PTPRD: variants seen among roughly 807,000 people sequenced by gnomAD.
PTPRD encodes the protein receptor-type tyrosine-protein phosphatase delta.
In PTPRD, 34 loss-of-function variants were observed where a neutral mutation model predicts 214.5. That is an observed-to-expected ratio of 0.16 (90% CI 0.12 to 0.21). The LOEUF (loss-of-function observed/expected upper bound fraction) is 0.21, where lower values mean the gene tolerates loss of function less well. Ranked by LOEUF, PTPRD falls within the 10% of genes least tolerant of loss-of-function variation. The pLI, the probability that PTPRD is intolerant of heterozygous loss-of-function variation, is 1.00. For synonymous variants in PTPRD, 1,128 were observed against 845.7 expected (o/e 1.33, Z -5.79); for missense variants, 2,545 against 2,398.7 (o/e 1.06, Z -1.27).
At chr9:8,739,109 ACAAAAG>A (rs1258245608) in intron 11 of PTPRD, among the ~76,000 whole-genome samples, 1 of 152,232 alleles carries the variant, frequency 6.6e-6, no homozygotes, top group East Asian at 1.9e-4. Flanking sequence ...TGTAAAACAG[ACAAAAG>A]CAGGGCTGCT....
intron 30 of PTPRD, among the ~76,000 whole-genome samples, chr9:8,483,647 G>C (rs1361672709): frequency 6.6e-6 from 1 of 152,110 alleles, no homozygotes; most frequent in African/African-American, 2.4e-5. Flanking sequence ...AGCTACTCAG[G>C]AGGCTGAGGC....
chr9:9,098,743 C>A (rs1044740579), intron 10 of PTPRD, among the ~76,000 whole-genome samples: 4 of 152,140 alleles, frequency 2.6e-5, no homozygotes, highest in African/African-American at 9.7e-5. Context: ...ATGGATACAA[C>A]ATTTTGGGGA....
At chr9:9,250,970 C>T (rs2099975236) in intron 9 of PTPRD, among the ~76,000 whole-genome samples, 1 of 152,052 alleles carries the variant, frequency 6.6e-6, no homozygotes, top group Non-Finnish European at 1.5e-5. Context: ...GATCAGAAAG[C>T]ATGAACCAGC....
chr9:10,610,562 G>A (rs1242492780), intron 2 of PTPRD, among the ~76,000 whole-genome samples: 3 of 151,784 alleles, frequency 2.0e-5, no homozygotes, highest in Non-Finnish European at 4.4e-5. Context: ...GGTCAGAAAT[G>A]AGTAGAGGTT....
At chr9:9,341,390 G>A (rs1353022051) in intron 9 of PTPRD, among the ~76,000 whole-genome samples, 2 of 152,020 alleles carry the variant, frequency 1.3e-5, no homozygotes, top group South Asian at 2.1e-4. Context: ...CCCCCAGGGC[G>A]CAGGTGTCTG....
At chr9:9,098,037 T>A (rs976809619) in intron 10 of PTPRD, among the ~76,000 whole-genome samples, 15 of 151,822 alleles carry the variant, frequency 9.9e-5, no homozygotes, top group Admixed American at 8.5e-4. Context: ...TTTAATTTTT[T>A]AACAATATTA....
intron 8 of PTPRD, among the ~76,000 whole-genome samples, chr9:9,402,443 T>C (rs534873423): frequency 1.3e-5 from 2 of 152,186 alleles, no homozygotes; most frequent in Admixed American, 6.5e-5. Context: ...TAACAAAAAA[T>C]TTCTTCCTGT....
chr9:8,974,976 A>G (rs2099260148), intron 11 of PTPRD, among the ~76,000 whole-genome samples: 1 of 151,454 alleles, frequency 6.6e-6, no homozygotes, highest in Non-Finnish European at 1.5e-5. Context: ...GGGTGCCTAT[A>G]TTCCTAGCTA....
intron 14 of PTPRD, among the ~76,000 whole-genome samples, chr9:8,574,637 T>C (rs771766704): frequency 3.0e-4 from 45 of 152,042 alleles, no homozygotes; most frequent in Non-Finnish European, 5.6e-4. Context: ...ACTTTCCACA[T>C]ACTTTGTTAT....
chr9:9,556,301 A>G (rs1323363510), intron 8 of PTPRD, among the ~76,000 whole-genome samples: 1 of 152,172 alleles, frequency 6.6e-6, no homozygotes, highest in African/African-American at 2.4e-5. Flanking sequence ...TAAGTTGAAG[A>G]AAGGAGGAAG....
At chr9:10,522,488 G>C (rs1361376602) in intron 2 of PTPRD, among the ~76,000 whole-genome samples, 1 of 152,050 alleles carries the variant, frequency 6.6e-6, no homozygotes, top group African/African-American at 2.4e-5. Context: ...ACTTTCTAAA[G>C]GAATAAACAA....
At chr9:10,213,012 A>G (rs950397145) in intron 3 of PTPRD, among the ~76,000 whole-genome samples, 1 of 152,126 alleles carries the variant, frequency 6.6e-6, no homozygotes, top group Admixed American at 6.6e-5. Context: ...CCCTTGTATC[A>G]TTGTTTGGCT....
intron 9 of PTPRD, among the ~76,000 whole-genome samples, chr9:9,212,504 T>G (rs2099949422): frequency 6.6e-6 from 1 of 152,176 alleles, no homozygotes; most frequent in Admixed American, 6.6e-5. Context: ...CAAAAACACT[T>G]TGGTCAAATC....
intron 2 of PTPRD, among the ~76,000 whole-genome samples, chr9:10,570,051 G>A (rs951924470): frequency 1.3e-5 from 2 of 151,970 alleles, no homozygotes; most frequent in African/African-American, 4.8e-5. Flanking sequence ...TTTGTCAAAT[G>A]TATAAAGTGT....
chr9:10,265,744 A>C (rs1025054940), intron 3 of PTPRD, among the ~76,000 whole-genome samples: 1 of 152,192 alleles, frequency 6.6e-6, no homozygotes, highest in Non-Finnish European at 1.5e-5. Context: ...CCTGATCCAT[A>C]GGCAACAGTT....
chr9:8,470,767 T>C (rs1023816419), intron 31 of PTPRD, among the ~76,000 whole-genome samples: 6 of 152,134 alleles, frequency 3.9e-5, no homozygotes, highest in African/African-American at 1.4e-4. Context: ...CAACAAAGAT[T>C]AGACAGGTTG....
At chr9:9,773,911 A>C (rs1483870101) in intron 5 of PTPRD, among the ~76,000 whole-genome samples, 1 of 152,170 alleles carries the variant, frequency 6.6e-6, no homozygotes, top group Non-Finnish European at 1.5e-5. Context: ...TTTATTCTGC[A>C]TCTTTAAATT....
chr9:9,381,820 T>C (rs1470879585), intron 9 of PTPRD, among the ~76,000 whole-genome samples: 1 of 152,014 alleles, frequency 6.6e-6, no homozygotes, highest in Non-Finnish European at 1.5e-5. Flanking sequence ...CTCCAGCTTA[T>C]GTCTTTTTTT....
chr9:10,568,516 G>C (rs539557689), intron 2 of PTPRD, among the ~76,000 whole-genome samples: 62 of 152,132 alleles, frequency 4.1e-4, no homozygotes, highest in African/African-American at 1.5e-3. Flanking sequence ...GGTATTTCTA[G>C]TTCTAGATCC....
Sources: gnomAD v4.1 joint callset for allele counts (sites outside exome capture counted in the v4.1 genomes callset) on GRCh38, gnomAD v4.1.1 for gene constraint, MANE v1.5 for transcripts, NCBI Gene and HGNC (gene_info 2026-07-23, HGNC 2026-07-21) for gene names.